DIO2: variants seen among roughly 807,000 people sequenced by gnomAD.
DIO2 encodes type II iodothyronine deiodinase.
In DIO2, 19 loss-of-function variants were observed where a neutral mutation model predicts 21.4. The observed-to-expected ratio is 0.89, with a 90% CI of 0.62 to 1.30. DIO2 has a LOEUF of 1.30. Among genes scored for constraint, DIO2 ranks in the 50% most tolerant of loss-of-function variants. The pLI is 0.00. For missense variants in DIO2, 302 were observed against 338.1 expected, an observed-to-expected ratio of 0.89 and a Z score of 0.84; for synonymous variants, 122 against 132.9, an observed-to-expected ratio of 0.92 and a Z score of 0.57.
chr14:80,223,251 A>G (rs1888502279), intron 2 of DIO2, among the ~76,000 whole-genome samples: 1 of 152,178 alleles, frequency 6.6e-6, no homozygotes, highest in Admixed American at 6.5e-5. Flanking sequence ...TAATATTTTC[A>G]GTCTCACCCA....
chr14:80,230,362 C>G (rs1187330603), intron 2 of DIO2, among the ~76,000 whole-genome samples: 4 of 152,158 alleles, frequency 2.6e-5, no homozygotes, highest in Non-Finnish European at 4.4e-5. Context: ...ATAATATGAG[C>G]TTGTGTCTGT....
rs1337618770 is a variant in DIO2 at position 80,201,004 on chromosome 14, A to T, written c.*1685T>A. ...ATCCTTTGATTGTACCTTTAAATAC[A>T]ATCATATACTATGATTTCATAATAG... On this transcript the variant is annotated 3_prime_UTR_variant, in exon 2 of 2. Transcript: ENST00000438257. 6.6e-6 allele frequency: 1 copy of T among 152,060 alleles called. No homozygotes were observed. The highest frequency in any genetic ancestry group is 1.9e-4 in the East Asian group (1 of 5,190). The allele number at this position is 152,060 out of a possible 1,614,324, so 9.4% of individuals were successfully genotyped here. A position where few individuals can be genotyped will look rare whatever the true frequency, so the allele number is the denominator to read the frequency against.
At chr14:80,207,300 A>C (rs1887990175) in intron 1 of DIO2, among the ~76,000 whole-genome samples, 1 of 152,214 alleles carries the variant, frequency 6.6e-6, no homozygotes, top group South Asian at 2.1e-4. Context: ...GGAAAAAGGA[A>C]ATGCTGCTTT....
At chr14:80,205,526 G>T in intron 1 of DIO2, 3 of 1,084,458 alleles carry the variant, frequency 2.8e-6, no homozygotes, top group South Asian at 1.6e-5. Flanking sequence ...CAGACCTGTT[G>T]ATCCTTTCAT....
chr14:80,210,731 A>G (rs1888145491), intron 1 of DIO2, among the ~76,000 whole-genome samples: 1 of 152,194 alleles, frequency 6.6e-6, no homozygotes. Context: ...GAAACCAAGC[A>G]GCTATGATGC....
upstream of DIO2, among the ~76,000 whole-genome samples, chr14:80,213,342 T>C (rs1044059202): frequency 2.6e-5 from 4 of 152,188 alleles, no homozygotes; most frequent in Non-Finnish European, 5.9e-5. Flanking sequence ...AGCCAGAGCT[T>C]AGGCATAAGC....
intron 2 of DIO2, among the ~76,000 whole-genome samples, chr14:80,217,940 G>A (rs1888390061): frequency 6.6e-6 from 1 of 152,204 alleles, no homozygotes; most frequent in Non-Finnish European, 1.5e-5. Flanking sequence ...ATAAGTCACA[G>A]AATCTATTTC....
At chr14:80,219,149 T>C (rs1888414900) in intron 2 of DIO2, among the ~76,000 whole-genome samples, 1 of 152,164 alleles carries the variant, frequency 6.6e-6, no homozygotes, top group South Asian at 2.1e-4. Context: ...CTCTCTCTTC[T>C]AGGCATTAGA....
intron 1 of DIO2, 22 bp downstream of exon 1, chr14:80,211,229 A>C (rs2140008964): frequency 6.3e-7 from 1 of 1,598,754 alleles, no homozygotes; most frequent in South Asian, 1.1e-5. Context: ...CCTAGGGAGA[A>C]GCCCTTCTCA....
intron 2 of DIO2, among the ~76,000 whole-genome samples, chr14:80,229,503 A>G (rs968089452): frequency 6.6e-6 from 1 of 152,140 alleles, no homozygotes; most frequent in Non-Finnish European, 1.5e-5. Context: ...TCTATTTTGC[A>G]AGGCATTGGT....
At chr14:80,225,180 C>A (rs1366998806) in intron 2 of DIO2, among the ~76,000 whole-genome samples, 1 of 152,198 alleles carries the variant, frequency 6.6e-6, no homozygotes, top group Non-Finnish European at 1.5e-5. Context: ...CCCTCACAGG[C>A]ACACCCAGGA....
At chr14:80,230,664 C>G (rs141300126) in intron 2 of DIO2, among the ~76,000 whole-genome samples, 35 of 152,254 alleles carry the variant, frequency 2.3e-4, no homozygotes, top group African/African-American at 7.7e-4. Flanking sequence ...ACTCTCTAAA[C>G]AGTTCATGTC....
chr14:80,223,781 A>C (rs1016729266), intron 2 of DIO2, among the ~76,000 whole-genome samples: 2 of 152,204 alleles, frequency 1.3e-5, no homozygotes, highest in African/African-American at 4.8e-5. Flanking sequence ...TGCCTACTCA[A>C]TTTGGGAGTT....
chr14:80,225,180 C>T (rs1366998806), intron 2 of DIO2, among the ~76,000 whole-genome samples: 1 of 152,198 alleles, frequency 6.6e-6, no homozygotes, highest in East Asian at 1.9e-4. Context: ...CCCTCACAGG[C>T]ACACCCAGGA....
chr14:80,202,635 T>G lies in DIO2; in HGVS notation c.*54A>C. ...TTGAAATATGGATTCAGTTCTTAAT[T>G]TCCTTGCCTTTATATAACTTTTTAA... On this transcript the variant is annotated 3_prime_UTR_variant, in exon 2 of 2. Transcript: ENST00000438257. The G allele has an allele frequency of 1.3e-6, 2 of 1,499,398 alleles. No individual in the cohort carries two copies. Among genetic ancestry groups the G allele is most frequent in the Non-Finnish European group, 1.8e-6 (2 of 1,122,560 alleles). 92.9% of individuals were successfully genotyped at this position (1,499,398 alleles called of 1,614,324 possible).
chr14:80,204,423 T>C (rs1007248866), intron 1 of DIO2, among the ~76,000 whole-genome samples: 8 of 152,294 alleles, frequency 5.3e-5, no homozygotes, highest in Non-Finnish European at 7.4e-5. Context: ...ATGTGCTCCC[T>C]TTGCACATGG....
chr14:80,218,916 T>C lies in DIO2; in HGVS notation c.-277-2179A>G, dbSNP rs138722008. 4.7e-3 allele frequency among the ~76,000 whole-genome samples: 716 copies of C among 152,134 alleles called. 8 individuals carry two copies. Among genetic ancestry groups the C allele is most frequent in the African/African-American group, 0.016 (683 of 41,496 alleles). Reference sequence around the variant, plus strand: ...TCGCTTGAATCCAGGAGGCAGAGGTTGCAGTGAGCCGAGATTGGGCCACTG... The same window carrying C: ...TCGCTTGAATCCAGGAGGCAGAGGTCGCAGTGAGCCGAGATTGGGCCACTG... On this transcript the variant is annotated intron_variant, in intron 2 of 4. Coordinates refer to the DIO2 transcript ENST00000553594.
chr14:80,228,905 G>A (rs1438347233), intron 2 of DIO2, among the ~76,000 whole-genome samples: 2 of 152,284 alleles, frequency 1.3e-5, no homozygotes, highest in African/African-American at 2.4e-5. Context: ...TCCCCAAAAT[G>A]TCTGATTATT....
intron 1 of DIO2, chr14:80,205,632 A>T (rs748654165): frequency 7.5e-7 from 1 of 1,333,022 alleles, no homozygotes; most frequent in Non-Finnish European, 9.8e-7. Flanking sequence ...AAGTTAAGGC[A>T]CCTTCTCCTT....
Sources: gnomAD v4.1 joint callset for allele counts (sites outside exome capture counted in the v4.1 genomes callset) on GRCh38, gnomAD v4.1.1 for gene constraint, MANE v1.5 for transcripts, NCBI Gene and HGNC (gene_info 2026-07-23, HGNC 2026-07-21) for gene names.